The following DCC variants were observed in gnomAD, a reference collection of about 807,000 sequenced individuals.
The protein encoded by DCC is netrin receptor DCC.
DCC carries 58 observed loss-of-function variants against 172.5 expected under a neutral mutation model. The observed-to-expected ratio is 0.34, with a 90% CI of 0.27 to 0.42. The LOEUF (loss-of-function observed/expected upper bound fraction) is 0.42. Ranked by LOEUF, DCC falls within the 10% of genes least tolerant of loss-of-function variation. DCC has a pLI of 1.00. For missense variants in DCC, 1,740 were observed against 1,791.0 expected, an observed-to-expected ratio of 0.97 and a Z score of 0.51; for synonymous variants, 709 against 644.5, an observed-to-expected ratio of 1.10 and a Z score of -1.52.
chr18:53,047,292 T>TTATATATATATAATTTTA (rs2042258498), intron 5 of DCC, among the ~76,000 whole-genome samples: 4 of 20,176 alleles, frequency 2.0e-4, no homozygotes, highest in African/African-American at 7.5e-4. Flanking sequence ...ATATATAATT[T>TTATATATATATAATTTTA]TATATATATA....
intron 2 of DCC, among the ~76,000 whole-genome samples, chr18:52,881,528 C>T (rs1444784596): frequency 6.6e-6 from 1 of 152,070 alleles, no homozygotes; most frequent in Non-Finnish European, 1.5e-5. Flanking sequence ...TTGTATATGG[C>T]AAGAGATAAG....
At chr18:52,549,975 C>A (rs1367564168) in intron 1 of DCC, among the ~76,000 whole-genome samples, 1 of 151,742 alleles carries the variant, frequency 6.6e-6, no homozygotes, top group Non-Finnish European at 1.5e-5. Context: ...CAAAGAGTAA[C>A]CTATGGAAAG....
At position 52,583,533 on chromosome 18, in the gene DCC, C is replaced by T. The variant is rs561956910; in HGVS notation, c.92-168521C>T. On this transcript the variant is annotated intron_variant, in intron 1 of 28. Transcript: ENST00000442544. ...TATCTATATCTATTTTTATATCCAT[C>T]CTTTTCAAATGATAAATTGCATTAT... Among the ~76,000 whole-genome samples the T allele has an allele frequency of 1.1e-4, 16 of 152,202 alleles. 1 individual carries two copies. In the Middle Eastern group the frequency reaches 0.01, roughly 97 times the overall value.
rs571075975 is a variant in DCC at position 52,341,649 on chromosome 18, A to G, written c.91+771A>G. ...TTAAAAATGGCAAAACTGTTTGGGG[A>G]TTGGATCTGGCTAGTGCAGGAGAAA... On this transcript the variant is annotated intron_variant, in intron 1 of 28. Transcript: ENST00000442544. 4.9e-3 allele frequency among the ~76,000 whole-genome samples: 746 copies of G among 152,174 alleles called. 6 individuals carry two copies. Among genetic ancestry groups the G allele is most frequent in the African/African-American group, 0.017 (719 of 41,538 alleles).
chr18:53,429,070 TAA>T (rs1568127130), intron 21 of DCC, among the ~76,000 whole-genome samples: 1 of 48,552 alleles, frequency 2.1e-5, no homozygotes, highest in African/African-American at 4.8e-5. Context: ...ATTTTATATA[TAA>T]TATATATTTT....
At chr18:52,899,585 A>C (rs1363451672) in intron 2 of DCC, among the ~76,000 whole-genome samples, 2 of 150,830 alleles carry the variant, frequency 1.3e-5, no homozygotes, top group Admixed American at 1.3e-4. Context: ...GAACTCCGGA[A>C]CTCAGGTGAT....
At chr18:52,417,326 T>C (rs887742328) in intron 1 of DCC, among the ~76,000 whole-genome samples, 11 of 152,268 alleles carry the variant, frequency 7.2e-5, no homozygotes, top group Admixed American at 5.9e-4. Context: ...ATTTCAACTT[T>C]GGTGAATCAG....
At chr18:53,416,570 T>C in intron 21 of DCC, 1 of 247,724 alleles carries the variant, frequency 4.0e-6, no homozygotes, top group South Asian at 4.6e-5. Flanking sequence ...ATGTGTGATT[T>C]TCCTCTGCAA....
chr18:53,218,684 T>C (rs1289516799), intron 12 of DCC, among the ~76,000 whole-genome samples: 1 of 152,168 alleles, frequency 6.6e-6, no homozygotes, highest in Non-Finnish European at 1.5e-5. Flanking sequence ...ACTAAAATTT[T>C]GTTACAAGAA....
chr18:52,918,292 T>A (rs1478840889), intron 3 of DCC, among the ~76,000 whole-genome samples: 2 of 152,152 alleles, frequency 1.3e-5, no homozygotes, highest in African/African-American at 4.8e-5. Flanking sequence ...GTGGTGCCCA[T>A]ATAACGAGAA....
intron 7 of DCC, among the ~76,000 whole-genome samples, chr18:53,129,856 A>T (rs1362578692): frequency 6.6e-6 from 1 of 152,180 alleles, no homozygotes; most frequent in Non-Finnish European, 1.5e-5. Flanking sequence ...GTAAAAATGT[A>T]GGAATAGAAT....
intron 2 of DCC, among the ~76,000 whole-genome samples, chr18:52,815,409 CGT>C (rs1435544793): frequency 1.3e-4 from 6 of 44,922 alleles, no homozygotes; most frequent in Admixed American, 3.4e-4. Flanking sequence ...CCTTCTCACA[CGT>C]ACACACACAC....
At chr18:53,045,240 C>T (rs1240077477) in intron 5 of DCC, among the ~76,000 whole-genome samples, 1 of 151,808 alleles carries the variant, frequency 6.6e-6, no homozygotes, top group Non-Finnish European at 1.5e-5. Flanking sequence ...TAAAACATTT[C>T]CTCAAGCTTT....
At position 52,372,772 on chromosome 18, in the gene DCC, A is replaced by G. The variant is rs74962756; in HGVS notation, c.91+31894A>G. Among the ~76,000 whole-genome samples the G allele has an allele frequency of 3.6e-3, 552 of 152,330 alleles. 8 individuals are homozygous for G. In the East Asian group the frequency reaches 0.039, roughly 11 times the overall value. On this transcript the variant is annotated intron_variant, in intron 1 of 28. Transcript: ENST00000442544. ...AAAGTATTTTGACGGTGCAAAACCCAAGAAGCAATGTGGCAGCTGCACATG... is the reference window on the plus strand; with the variant it reads ...AAAGTATTTTGACGGTGCAAAACCCGAGAAGCAATGTGGCAGCTGCACATG...
chr18:52,885,077 C>T (rs2039549495), intron 2 of DCC, among the ~76,000 whole-genome samples: 1 of 152,156 alleles, frequency 6.6e-6, no homozygotes, highest in African/African-American at 2.4e-5. Flanking sequence ...CCTGTGGCTA[C>T]CACCACTAGG....
intron 1 of DCC, among the ~76,000 whole-genome samples, chr18:52,642,049 GTGGTGTGTGTGTGT>G: frequency 2.0e-4 from 1 of 4,988 alleles, no homozygotes; most frequent in Admixed American, 3.5e-3. Flanking sequence ...TATATATACT[GTGGTGTGTGTGTGT>G]ATATATATAT....
chr18:52,848,705 A>G (rs149442587), intron 2 of DCC, among the ~76,000 whole-genome samples: 10 of 152,280 alleles, frequency 6.6e-5, no homozygotes, highest in Admixed American at 4.6e-4. Flanking sequence ...ATTTTTTCAC[A>G]TAACTATCCA....
At chr18:52,878,252 A>C (rs544473313) in intron 2 of DCC, among the ~76,000 whole-genome samples, 1 of 152,154 alleles carries the variant, frequency 6.6e-6, no homozygotes, top group Admixed American at 6.5e-5. Flanking sequence ...AGCCATCCTC[A>C]AATACATTCT....
chr18:53,014,635 A>G (rs2041781801), intron 5 of DCC, among the ~76,000 whole-genome samples: 1 of 152,010 alleles, frequency 6.6e-6, no homozygotes, highest in African/African-American at 2.4e-5. Flanking sequence ...ATGTTTTTCT[A>G]CTTTAAAATG....
Sources: gnomAD v4.1 joint callset for allele counts (sites outside exome capture counted in the v4.1 genomes callset) on GRCh38, gnomAD v4.1.1 for gene constraint, MANE v1.5 for transcripts, NCBI Gene and HGNC (gene_info 2026-07-23, HGNC 2026-07-21) for gene names.